The following ENPP3 variants were observed in gnomAD, a reference collection of about 807,000 sequenced individuals.
ENPP3 encodes ectonucleotide pyrophosphatase/phosphodiesterase family member 3.
In ENPP3, 104 loss-of-function variants were observed where a neutral mutation model predicts 117.8. The observed-to-expected ratio is 0.88, with a 90% CI of 0.75 to 1.04. ENPP3 has a LOEUF of 1.04. Among genes scored for constraint, ENPP3 ranks in the 50% least tolerant of loss-of-function variants. ENPP3 has a pLI of 0.00. For missense variants in ENPP3, 1,026 were observed against 1,051.9 expected (o/e 0.98, Z 0.34); for synonymous variants, 380 against 349.9 (o/e 1.09, Z -0.96).
chr6:131,652,303 A>G (rs1778279442), intron 3 of ENPP3, among the ~76,000 whole-genome samples: 2 of 152,202 alleles, frequency 1.3e-5, no homozygotes, highest in African/African-American at 4.8e-5. Context: ...CTCCAAGCTC[A>G]CAGTGTACCT....
chr6:131,638,995 G>A (rs1450003251), intron 1 of ENPP3, among the ~76,000 whole-genome samples: 2 of 151,654 alleles, frequency 1.3e-5, no homozygotes, highest in Non-Finnish European at 2.9e-5. Context: ...TCCTGACTCA[G>A]TACCTTACAC....
chr6:131,673,722 A>C (rs562325961), intron 7 of ENPP3, among the ~76,000 whole-genome samples: 46 of 151,902 alleles, frequency 3.0e-4, no homozygotes, highest in East Asian at 5.8e-4. Context: ...GACAGACAGA[A>C]AGAAAGAAAG....
intron 2 of ENPP3, among the ~76,000 whole-genome samples, chr6:131,648,440 T>A (rs758418098): frequency 4.4e-4 from 67 of 152,086 alleles, no homozygotes; most frequent in Non-Finnish European, 1.2e-4. Context: ...CCTATATAGC[T>A]GGCCAGTTGT....
At chr6:131,723,017 C>CA (rs1780069101) in intron 18 of ENPP3, among the ~76,000 whole-genome samples, 1 of 152,120 alleles carries the variant, frequency 6.6e-6, no homozygotes, top group African/African-American at 2.4e-5. Flanking sequence ...AACAGCAGCT[C>CA]AAAATATAAG....
chr6:131,707,240 A>G (rs1455382992), intron 15 of ENPP3, among the ~76,000 whole-genome samples: 1 of 151,128 alleles, frequency 6.6e-6, no homozygotes, highest in African/African-American at 2.4e-5. Flanking sequence ...GTTGTTTGTA[A>G]TATTCCTTGA....
At chr6:131,746,386 A>G (rs1780636421) in intron 24 of ENPP3, among the ~76,000 whole-genome samples, 1 of 152,180 alleles carries the variant, frequency 6.6e-6, no homozygotes, top group Non-Finnish European at 1.5e-5. Flanking sequence ...TAATATTAAC[A>G]TAAGTTTAAA....
At chr6:131,671,645 G>A (rs1778744793) in intron 7 of ENPP3, among the ~76,000 whole-genome samples, 1 of 152,190 alleles carries the variant, frequency 6.6e-6, no homozygotes, top group Non-Finnish European at 1.5e-5. Context: ...GGTCTGCTGG[G>A]AACAGTAGGC....
intron 7 of ENPP3, among the ~76,000 whole-genome samples, chr6:131,671,780 A>G (rs1213546996): frequency 6.6e-6 from 1 of 152,200 alleles, no homozygotes; most frequent in Non-Finnish European, 1.5e-5. Context: ...CTTTAGATAA[A>G]GCAATAAAAG....
intron 11 of ENPP3, among the ~76,000 whole-genome samples, chr6:131,681,363 A>T (rs896921591): frequency 1.3e-5 from 2 of 152,206 alleles, no homozygotes; most frequent in Non-Finnish European, 2.9e-5. Flanking sequence ...TCAAGAGATA[A>T]TGCACTAAAG....
intron 11 of ENPP3, among the ~76,000 whole-genome samples, chr6:131,680,703 C>T (rs59535011): frequency 0.021 from 3,145 of 152,170 alleles, 103 homozygotes; most frequent in African/African-American, 0.073. Context: ...AGTAAAAAGG[C>T]GATTTTAGTT....
chr6:131,693,891 C>G (rs1427862716), intron 15 of ENPP3, among the ~76,000 whole-genome samples: 2 of 152,118 alleles, frequency 1.3e-5, no homozygotes, highest in Non-Finnish European at 2.9e-5. Context: ...CAGCACCTTC[C>G]TACCCCCACT....
At chr6:131,677,795 A>G in intron 10 of ENPP3, 73 bp from the exon 11 acceptor site, 1 of 1,012,584 alleles carries the variant, frequency 9.9e-7, no homozygotes, top group African/African-American at 1.6e-5. Flanking sequence ...CCCAAGATCT[A>G]CAAAATCCCC....
chr6:131,679,085 CTTTT>C lies in ENPP3; in HGVS notation c.1011+1146_1011+1149del, dbSNP rs200654781. On this transcript the variant is annotated intron_variant, in intron 11 of 24. Transcript: ENST00000357639. The stretch of plus-strand genomic sequence containing the variant: ...TCTTTCTTTCTTTCTTTCTTTCTTT[CTTTT>C]CTTCTTTCTTTCTTTCCTTTTTTGA... Among the ~76,000 whole-genome samples the C allele has an allele frequency of 6.8e-3, 761 of 112,504 alleles. 93 individuals carry two copies. The highest frequency in any genetic ancestry group is 0.012 in the African/African-American group (326 of 27,930). 73.8% of individuals were successfully genotyped at this position (112,504 alleles called of 152,430 possible).
rs3032879 is a variant in ENPP3, at chr6:131,719,382, AACAC to A, written c.1479+680_1479+683del. 7.2e-4 allele frequency among the ~76,000 whole-genome samples: 96 copies of A among 133,194 alleles called. 1 individual carries two copies. Among genetic ancestry groups the A allele is most frequent in the South Asian group, 1.3e-3 (5 of 3,968 alleles). The allele number at this position is 133,194 out of a possible 152,430, so 87.4% of individuals were successfully genotyped here. A position where few individuals can be genotyped will look rare whatever the true frequency, so the allele number is the denominator to read the frequency against. ...GGTTATCTCATCTACTTCCATTTGTAACACACACACACACACACACACACACACA... is the reference window on the plus strand; with the variant it reads ...GGTTATCTCATCTACTTCCATTTGTAACACACACACACACACACACACACA... On this transcript the variant is annotated intron_variant, in intron 16 of 24. Coordinates refer to ENST00000357639, the MANE Select transcript of ENPP3 (RefSeq NM_005021.5).
At chr6:131,746,744 A>G in intron 24 of ENPP3, 42 bp from the exon 25 acceptor site, 1 of 1,556,958 alleles carries the variant, frequency 6.4e-7, no homozygotes, top group South Asian at 1.2e-5. Context: ...CATGAAAAAT[A>G]CTGCCTTGTG....
intron 15 of ENPP3, among the ~76,000 whole-genome samples, chr6:131,717,508 T>C (rs1585711154): frequency 6.6e-6 from 1 of 152,058 alleles, no homozygotes; most frequent in Non-Finnish European, 1.5e-5. Context: ...AGAGATCAAA[T>C]TTGACTCAGT....
At chr6:131,716,027 A>AG (rs57526819) in intron 15 of ENPP3, among the ~76,000 whole-genome samples, 40,708 of 152,164 alleles carry the variant, frequency 0.27, 9,217 homozygotes, top group African/African-American at 0.6. Flanking sequence ...ACAGGAAGAC[A>AG]GACTTGGCAA....
At chr6:131,688,045 C>T (rs752954225) in intron 14 of ENPP3, among the ~76,000 whole-genome samples, 4 of 152,214 alleles carry the variant, frequency 2.6e-5, no homozygotes, top group African/African-American at 7.2e-5. Context: ...AGCATGTGCC[C>T]GCTTCATGTG....
Position 131,658,322 on chromosome 6 carries a change from G to C in ENPP3, c.465-1G>C. 1 of 1,587,520 alleles carries C rather than the reference G, an allele frequency of 6.3e-7. No individual in the cohort carries two copies. Among genetic ancestry groups the C allele is most frequent in the Non-Finnish European group, 8.6e-7 (1 of 1,156,420 alleles). On this transcript the variant is annotated splice_acceptor_variant, in intron 5 of 24. Transcript: ENST00000357639. LOFTEE classifies it high-confidence loss of function. The stretch of plus-strand genomic sequence containing the variant: ...GGACAAATTTTGTTTTCCATTTTCA[G>C]GTTTGACCTGCCACCAGTTATCTTG...
Sources: gnomAD v4.1 joint callset for allele counts (sites outside exome capture counted in the v4.1 genomes callset) on GRCh38, gnomAD v4.1.1 for gene constraint, MANE v1.5 for transcripts, NCBI Gene and HGNC (gene_info 2026-07-23, HGNC 2026-07-21) for gene names.